Variants in MME observed in about 807,000 individuals in gnomAD.
MME encodes membrane metalloendopeptidase.
MME carries 98 observed loss-of-function variants against 113.2 expected under a neutral mutation model. That is an observed-to-expected ratio of 0.87 (90% CI 0.74 to 1.02). MME has a LOEUF of 1.02. Ranked by LOEUF, MME falls within the 50% of genes least tolerant of loss-of-function variation. The pLI, the probability that MME is intolerant of heterozygous loss-of-function variation, is 0.00. For synonymous variants in MME, 292 were observed against 300.6 expected (o/e 0.97, Z 0.30); for missense variants, 836 against 896.0 (o/e 0.93, Z 0.86).
chr3:155,141,614 C>T (rs1311593893), intron 10 of MME, among the ~76,000 whole-genome samples: 1 of 152,074 alleles, frequency 6.6e-6, no homozygotes, highest in Non-Finnish European at 1.5e-5. Flanking sequence ...TTTATTAATA[C>T]CCACTTTTAA....
chr3:155,025,689 CTTTTT>C (rs775452382), intron 1 of MME, among the ~76,000 whole-genome samples: 1 of 109,052 alleles, frequency 9.2e-6, no homozygotes, highest in Non-Finnish European at 1.9e-5. Context: ...TTCTTTCTTT[CTTTTT>C]TTTTTTTTTT....
chr3:155,125,444 C>CGT (rs1719562700), intron 8 of MME, among the ~76,000 whole-genome samples: 1 of 65,286 alleles, frequency 1.5e-5, no homozygotes, highest in Non-Finnish European at 2.7e-5. Context: ...GCTCCTCCTC[C>CGT]TTTTTTTTTT....
rs374126694 is a variant in MME at position 155,113,616 on chromosome 3, CAA to C, written c.197-1376_197-1375del. Among the ~76,000 whole-genome samples the C allele has an allele frequency of 2.0e-4, 31 of 152,104 alleles. No homozygotes were observed. The East Asian group carries it at 5.0e-3, about 25-fold the overall frequency. ...TTTTCAGCAAGGTTGTGGCCAGTGTCAAAGAGTCTTTCGGGAAGTTTGGTTTG... is the reference window on the plus strand; with the variant it reads ...TTTTCAGCAAGGTTGTGGCCAGTGTCAGAGTCTTTCGGGAAGTTTGGTTTG... On this transcript the variant is annotated intron_variant, in intron 3 of 22. Coordinates refer to ENST00000360490, the MANE Select transcript of MME (RefSeq NM_007289.4).
intron 3 of MME, chr3:155,112,441 T>C (rs898778046): frequency 1.3e-5 from 2 of 152,218 alleles, no homozygotes; most frequent in Non-Finnish European, 2.9e-5. Flanking sequence ...AGATGGCTCA[T>C]GCGAGAAAGT....
At chr3:155,033,175 C>T (rs144147755) in intron 1 of MME, among the ~76,000 whole-genome samples, 8 of 152,130 alleles carry the variant, frequency 5.3e-5, no homozygotes, top group African/African-American at 1.7e-4. Flanking sequence ...TAAGCTATAA[C>T]CTAAGAAGCA....
rs145303505 is a variant in MME at position 155,180,645 on chromosome 3, G to C, written c.*186G>C. 277 of 619,102 alleles carry C rather than the reference G, an allele frequency of 4.5e-4. 1 individual carries two copies. The African/African-American group carries it at 4.6e-3, about 10-fold the overall frequency. The allele number at this position is 619,102 out of a possible 1,614,324, so 38.4% of individuals were successfully genotyped here. On this transcript the variant is annotated 3_prime_UTR_variant, in exon 23 of 23. Transcript: ENST00000360490. ...TAGAAAGGGTGTGGAGGGAGGAAGGGGGTCTAAGGTCTATCAAGTCAATCA... is the reference window on the plus strand; with the variant it reads ...TAGAAAGGGTGTGGAGGGAGGAAGGCGGTCTAAGGTCTATCAAGTCAATCA...
At chr3:155,129,315 T>A (rs1165519187) in intron 8 of MME, among the ~76,000 whole-genome samples, 1 of 152,210 alleles carries the variant, frequency 6.6e-6, no homozygotes, top group Admixed American at 6.5e-5. Context: ...ATCAGATTAT[T>A]AACTCAGCCT....
intron 1 of MME, among the ~76,000 whole-genome samples, chr3:155,033,880 T>C (rs78486146): frequency 0.019 from 2,819 of 152,270 alleles, 92 homozygotes; most frequent in African/African-American, 0.065. Context: ...CATATAACTT[T>C]CTTCCCTTGG....
intron 1 of MME, among the ~76,000 whole-genome samples, chr3:155,050,076 C>T (rs954540464): frequency 2.6e-5 from 4 of 152,096 alleles, no homozygotes; most frequent in African/African-American, 9.7e-5. Flanking sequence ...TAAGTGAGAA[C>T]ATGTCATATT....
At chr3:155,042,918 A>ATATATATATG (rs1713392778) in intron 1 of MME, among the ~76,000 whole-genome samples, 1 of 53,636 alleles carries the variant, frequency 1.9e-5, no homozygotes, top group Non-Finnish European at 3.3e-5. Context: ...ATATATATAT[A>ATATATATATG]TATATATATA....
chr3:155,108,891 G>A (rs1241622135), intron 3 of MME, among the ~76,000 whole-genome samples: 1 of 152,100 alleles, frequency 6.6e-6, no homozygotes, highest in Non-Finnish European at 1.5e-5. Context: ...GGAAAGCAAG[G>A]CATCCAGATA....
intron 1 of MME, among the ~76,000 whole-genome samples, chr3:155,043,395 G>T (rs544813365): frequency 9.3e-5 from 14 of 150,530 alleles, no homozygotes; most frequent in Non-Finnish European, 1.9e-4. Flanking sequence ...GCAATGGTGC[G>T]ATCTTGGCTC....
intron 15 of MME, among the ~76,000 whole-genome samples, chr3:155,147,577 C>T (rs1033085813): frequency 3.9e-5 from 6 of 152,172 alleles, no homozygotes; most frequent in African/African-American, 1.4e-4. Context: ...CCTCCACCTT[C>T]TAAGTTTTCC....
chr3:155,065,122 T>G (rs1322283037), intron 1 of MME, among the ~76,000 whole-genome samples: 3 of 152,196 alleles, frequency 2.0e-5, no homozygotes, highest in Non-Finnish European at 2.9e-5. Flanking sequence ...AGGAAGGACA[T>G]GAATTTTGCA....
intron 14 of MME, among the ~76,000 whole-genome samples, chr3:155,146,875 T>C (rs945180043): frequency 1.1e-4 from 17 of 152,228 alleles, no homozygotes; most frequent in African/African-American, 3.8e-4. Context: ...TGTGGAACAA[T>C]GAGTTTTGTC....
chr3:155,094,973 C>T (rs1716615751), intron 3 of MME, among the ~76,000 whole-genome samples: 1 of 152,200 alleles, frequency 6.6e-6, no homozygotes, highest in African/African-American at 2.4e-5. Flanking sequence ...TCGGGCTCCG[C>T]CTCAGACCTA....
At chr3:155,060,917 C>G (rs1714115338) in intron 1 of MME, among the ~76,000 whole-genome samples, 1 of 151,520 alleles carries the variant, frequency 6.6e-6, no homozygotes, top group East Asian at 1.9e-4. Context: ...GGACACAATC[C>G]CATCATGGAG....
chr3:155,175,013 T>C (rs958223928), intron 22 of MME, among the ~76,000 whole-genome samples: 1 of 152,080 alleles, frequency 6.6e-6, no homozygotes, highest in Admixed American at 6.6e-5. Context: ...TAGGTAAAGT[T>C]TGTCTCTTTT....
intron 16 of MME, among the ~76,000 whole-genome samples, chr3:155,159,812 T>A (rs1420870063): frequency 1.3e-5 from 2 of 152,034 alleles, no homozygotes; most frequent in African/African-American, 4.8e-5. Context: ...CATTTTAAAG[T>A]CATACAAAAA....
Sources: gnomAD v4.1 joint callset for allele counts (sites outside exome capture counted in the v4.1 genomes callset) on GRCh38, gnomAD v4.1.1 for gene constraint, MANE v1.5 for transcripts, NCBI Gene and HGNC (gene_info 2026-07-23, HGNC 2026-07-21) for gene names.